Variants in DLG2 observed in about 807,000 individuals in gnomAD.
DLG2 encodes the protein disks large homolog 2.
In DLG2, 45 loss-of-function variants were observed where a neutral mutation model predicts 132.5. The observed-to-expected ratio is 0.34, with a 90% CI of 0.27 to 0.44. The LOEUF is 0.44. Ranked by LOEUF, DLG2 falls within the 20% of genes least tolerant of loss-of-function variation. The pLI is 1.00. For missense variants in DLG2, 1,045 were observed against 1,196.9 expected (o/e 0.87, Z 1.87); for synonymous variants, 424 against 419.6 (o/e 1.01, Z -0.13).
chr11:85,613,542 A>G (rs780204711), intron 2 of DLG2, among the ~76,000 whole-genome samples: 3 of 152,148 alleles, frequency 2.0e-5, no homozygotes, highest in Non-Finnish European at 4.4e-5. Context: ...AGGATTGTAA[A>G]TGCACCAATC....
chr11:84,159,353 C>A (rs956170849), intron 9 of DLG2, among the ~76,000 whole-genome samples: 30 of 152,162 alleles, frequency 2.0e-4, no homozygotes, highest in Non-Finnish European at 4.0e-4. Flanking sequence ...GGAAATGCTA[C>A]TAATTTAATT....
chr11:84,429,808 A>G (rs1056060782), intron 7 of DLG2, among the ~76,000 whole-genome samples: 2 of 152,180 alleles, frequency 1.3e-5, no homozygotes, highest in African/African-American at 4.8e-5. Context: ...TTCCAACGTA[A>G]TATCACTCAA....
At chr11:85,408,468 C>T (rs944379695) in intron 3 of DLG2, among the ~76,000 whole-genome samples, 4 of 151,230 alleles carry the variant, frequency 2.6e-5, no homozygotes, top group Non-Finnish European at 5.9e-5. Flanking sequence ...CATATGTATA[C>T]ATGTGACATG....
At chr11:83,945,983 C>T in intron 14 of DLG2, among the ~76,000 whole-genome samples, 3 of 132,326 alleles carry the variant, frequency 2.3e-5, no homozygotes, top group African/African-American at 3.0e-5. Context: ...CTTTCTCTTT[C>T]TCTCTCTCTC....
chr11:83,767,224 A>C (rs185718736), intron 18 of DLG2, among the ~76,000 whole-genome samples: 1 of 152,262 alleles, frequency 6.6e-6, no homozygotes, highest in African/African-American at 2.4e-5. Flanking sequence ...TTTTAGGATA[A>C]AATTTTATTT....
intron 3 of DLG2, among the ~76,000 whole-genome samples, chr11:85,294,061 A>T (rs1160147193): frequency 6.6e-6 from 1 of 152,034 alleles, no homozygotes; most frequent in Non-Finnish European, 1.5e-5. Context: ...GGTCAACATG[A>T]TGAGAACCCG....
intron 18 of DLG2, among the ~76,000 whole-genome samples, chr11:83,752,191 C>T (rs779463139): frequency 3.3e-5 from 5 of 151,878 alleles, no homozygotes; most frequent in Non-Finnish European, 4.4e-5. Context: ...TGGCATGAAC[C>T]CAGGAGGCGG....
intron 7 of DLG2, among the ~76,000 whole-genome samples, chr11:84,400,918 A>G (rs1287986913): frequency 3.3e-5 from 5 of 152,170 alleles, no homozygotes; most frequent in African/African-American, 1.2e-4. Flanking sequence ...CAATAACATC[A>G]GCAGCATCAT....
At chr11:85,179,430 G>T (rs1032424111) in intron 4 of DLG2, among the ~76,000 whole-genome samples, 2 of 151,824 alleles carry the variant, frequency 1.3e-5, no homozygotes, top group Non-Finnish European at 2.9e-5. Flanking sequence ...GTATTGTATG[G>T]ATATGAGAGA....
chr11:85,123,669 G>A (rs1338104967), intron 5 of DLG2, among the ~76,000 whole-genome samples: 1 of 152,170 alleles, frequency 6.6e-6, no homozygotes, highest in Non-Finnish European at 1.5e-5. Flanking sequence ...TAGGTAAATA[G>A]AATTCCAAAT....
intron 18 of DLG2, among the ~76,000 whole-genome samples, chr11:83,767,117 T>A (rs1396183542): frequency 6.6e-6 from 1 of 152,220 alleles, no homozygotes; most frequent in Non-Finnish European, 1.5e-5. Context: ...TTTCGTCACA[T>A]CTGAAAAGTC....
chr11:85,219,956 A>G (rs370500426), intron 4 of DLG2, among the ~76,000 whole-genome samples: 3 of 151,726 alleles, frequency 2.0e-5, no homozygotes, highest in Non-Finnish European at 4.4e-5. Flanking sequence ...ATGAAACCGA[A>G]ACTTCCCACA....
chr11:84,990,614 C>G (rs2056988794), intron 6 of DLG2, among the ~76,000 whole-genome samples: 1 of 151,796 alleles, frequency 6.6e-6, no homozygotes, highest in African/African-American at 2.4e-5. Flanking sequence ...TGGACTAAGA[C>G]ATCAGCCCTT....
At chr11:84,718,667 A>G in intron 6 of DLG2, among the ~76,000 whole-genome samples, 1 of 152,212 alleles carries the variant, frequency 6.6e-6, no homozygotes, top group Non-Finnish European at 1.5e-5. Flanking sequence ...AATTCTTGTA[A>G]GTTCATGGGA....
intron 6 of DLG2, among the ~76,000 whole-genome samples, chr11:84,819,106 C>CACACACACAA (rs769677741): frequency 6.6e-6 from 1 of 150,440 alleles, no homozygotes; most frequent in African/African-American, 2.5e-5. Flanking sequence ...CACACACACA[C>CACACACACAA]AATTTCGTTT....
chr11:84,386,139 T>G lies in DLG2; in HGVS notation c.520-134848A>C, dbSNP rs562671093. Among the ~76,000 whole-genome samples, 285 of 152,198 alleles carry G rather than the reference T, an allele frequency of 1.9e-3. 1 individual carries two copies. The highest frequency in any genetic ancestry group is 2.8e-3 in the Non-Finnish European group (192 of 67,956). ...TTCCATGCAAGCTGTCTAGAAAAGC[T>G]TAGACTCTCCCAGCCCAGCCAATTT... is the stretch of plus-strand genomic sequence containing the variant. On this transcript the variant is annotated intron_variant, in intron 7 of 27. Coordinates refer to ENST00000376104, the MANE Select transcript of DLG2 (RefSeq NM_001142699.3).
intron 17 of DLG2, among the ~76,000 whole-genome samples, chr11:83,801,495 C>T (rs192122721): frequency 6.6e-6 from 1 of 152,270 alleles, no homozygotes; most frequent in East Asian, 1.9e-4. Context: ...TTACTGTTTG[C>T]TGGCCACAAG....
intron 4 of DLG2, among the ~76,000 whole-genome samples, chr11:85,188,820 G>T (rs1283102049): frequency 6.6e-6 from 1 of 152,032 alleles, no homozygotes; most frequent in Non-Finnish European, 1.5e-5. Flanking sequence ...AGAACAAAGA[G>T]AAAATGAAGA....
intron 7 of DLG2, among the ~76,000 whole-genome samples, chr11:84,309,570 A>T (rs1456789751): frequency 6.6e-6 from 1 of 152,236 alleles, no homozygotes; most frequent in Non-Finnish European, 1.5e-5. Context: ...GATTCCATAC[A>T]GTTCTGATAT....
Sources: allele counts gnomAD v4.1 joint callset (sites outside exome capture counted in the v4.1 genomes callset), GRCh38; gene constraint gnomAD v4.1.1; transcripts MANE v1.5; gene names NCBI Gene and HGNC (gene_info 2026-07-23, HGNC 2026-07-21).